IL1RAPL1: variants seen among roughly 807,000 people sequenced by gnomAD.
IL1RAPL1 encodes the protein interleukin-1 receptor accessory protein-like 1.
A neutral mutation model predicts 48.4 loss-of-function variants in IL1RAPL1; 3 were observed. The ratio of observed to expected loss-of-function variants is 0.06; its 90% CI spans 0.03 to 0.16. The LOEUF (loss-of-function observed/expected upper bound fraction) is 0.16, where lower values mean the gene tolerates loss of function less well. Ranked by LOEUF, IL1RAPL1 falls within the 10% of genes least tolerant of loss-of-function variation. IL1RAPL1 has a pLI of 1.00. For missense variants in IL1RAPL1, 349 were observed against 530.6 expected (o/e 0.66, Z 3.36); for synonymous variants, 185 against 187.7 (o/e 0.99, Z 0.12).
chrX:29,802,678 A>G (rs1416075538), intron 6 of IL1RAPL1, among the ~76,000 whole-genome samples: 2 of 99,207 alleles, frequency 2.0e-5, no homozygotes, highest in African/African-American at 3.6e-5. Flanking sequence ...GAATTGCTCT[A>G]TGTCACTGTG....
intron 2 of IL1RAPL1, among the ~76,000 whole-genome samples, chrX:29,039,636 C>T (rs1254986772): frequency 9.1e-6 from 1 of 110,358 alleles, no homozygotes; most frequent in African/African-American, 3.3e-5. Flanking sequence ...TAGCTTTTCA[C>T]TAGTGGAAAT....
chrX:29,014,295 T>TTTACAAA (rs1926191792), intron 2 of IL1RAPL1, among the ~76,000 whole-genome samples: 1 of 112,347 alleles, frequency 8.9e-6, no homozygotes, highest in African/African-American at 3.2e-5. Context: ...AACTAAATGG[T>TTTACAAA]ATCATTGTTT....
chrX:29,549,457 G>A (rs1250358322), intron 5 of IL1RAPL1, among the ~76,000 whole-genome samples: 1 of 111,134 alleles, frequency 9.0e-6, no homozygotes, highest in Non-Finnish European at 1.9e-5. Flanking sequence ...ATTAGTTATC[G>A]TTGTTAATAT....
At chrX:29,252,074 G>A (rs77515274) in intron 2 of IL1RAPL1, among the ~76,000 whole-genome samples, 8 of 32,953 alleles carry the variant, frequency 2.4e-4, no homozygotes, top group Admixed American at 5.2e-4. Flanking sequence ...ATGAGAACAC[G>A]TGGACACAGG....
chrX:29,742,261 A>G (rs1486989448), intron 6 of IL1RAPL1, among the ~76,000 whole-genome samples: 2 of 111,972 alleles, frequency 1.8e-5, no homozygotes, highest in African/African-American at 3.2e-5. Flanking sequence ...TGTTTCTTAA[A>G]CCTGCATTGT....
At chrX:29,618,578 G>A (rs59540722) in intron 5 of IL1RAPL1, among the ~76,000 whole-genome samples, 2,174 of 111,569 alleles carry the variant, frequency 0.019, 53 homozygotes, top group African/African-American at 0.067. Context: ...TCTTAGCCTC[G>A]TCTTCCCTCT....
At chrX:29,260,913 T>C (rs1472516548) in intron 2 of IL1RAPL1, among the ~76,000 whole-genome samples, 1 of 106,569 alleles carries the variant, frequency 9.4e-6, no homozygotes, top group African/African-American at 3.4e-5. Flanking sequence ...ATATAGTAAA[T>C]ATATATATTA....
intron 2 of IL1RAPL1, among the ~76,000 whole-genome samples, chrX:28,825,890 G>A (rs183590096): frequency 9.0e-6 from 1 of 111,021 alleles, no homozygotes; most frequent in African/African-American, 3.3e-5. Flanking sequence ...ATATAAATTG[G>A]TAAGACTCTG....
At chrX:28,624,830 G>T (rs986635537) in intron 1 of IL1RAPL1, among the ~76,000 whole-genome samples, 1 of 111,886 alleles carries the variant, frequency 8.9e-6, no homozygotes, top group African/African-American at 3.2e-5. Flanking sequence ...ACTCTGAACC[G>T]ACAGCAGTTA....
At chrX:29,592,178 A>C (rs1923398502) in intron 5 of IL1RAPL1, among the ~76,000 whole-genome samples, 1 of 110,834 alleles carries the variant, frequency 9.0e-6, no homozygotes, top group Admixed American at 9.6e-5. Flanking sequence ...ATTTACATAG[A>C]ATATATATAT....
chrX:29,193,336 C>T (rs1930386028), intron 2 of IL1RAPL1, among the ~76,000 whole-genome samples: 1 of 110,876 alleles, frequency 9.0e-6, no homozygotes, highest in Non-Finnish European at 1.9e-5. Flanking sequence ...TTATATAACA[C>T]AAATTCTCAG....
At chrX:29,650,856 A>T (rs1465663945) in intron 5 of IL1RAPL1, among the ~76,000 whole-genome samples, 2 of 111,368 alleles carry the variant, frequency 1.8e-5, no homozygotes, top group African/African-American at 6.5e-5. Context: ...GAATGAAAGA[A>T]AATATTTGCA....
chrX:29,245,805 T>A (rs1388361528), intron 2 of IL1RAPL1, among the ~76,000 whole-genome samples: 1 of 111,522 alleles, frequency 9.0e-6, no homozygotes, highest in Non-Finnish European at 1.9e-5. Context: ...CACTTTTGGC[T>A]TTTGTTGCCA....
At chrX:29,053,985 T>G (rs1485233231) in intron 2 of IL1RAPL1, among the ~76,000 whole-genome samples, 1 of 111,611 alleles carries the variant, frequency 9.0e-6, no homozygotes, top group Non-Finnish European at 1.9e-5. Flanking sequence ...AATGGCAGAT[T>G]TTCATTCTTT....
intron 2 of IL1RAPL1, among the ~76,000 whole-genome samples, chrX:29,239,957 C>T: frequency 9.2e-6 from 1 of 108,193 alleles, no homozygotes; most frequent in East Asian, 2.9e-4. Context: ...TCTGACTCTT[C>T]TGCTTCCTTC....
intron 2 of IL1RAPL1, among the ~76,000 whole-genome samples, chrX:28,825,517 C>A (rs181226780): frequency 4.4e-4 from 49 of 111,157 alleles, no homozygotes; most frequent in African/African-American, 1.4e-3. Context: ...TGTAAATAAC[C>A]ATTTCCCCAA....
At chrX:29,341,218 C>G (rs1019953883) in intron 3 of IL1RAPL1, among the ~76,000 whole-genome samples, 7 of 111,586 alleles carry the variant, frequency 6.3e-5, no homozygotes, top group Non-Finnish European at 1.1e-4. Context: ...GTTACCACCC[C>G]CTTCTGGAAA....
chrX:29,218,760 A>G (rs1259923506), intron 2 of IL1RAPL1, among the ~76,000 whole-genome samples: 1 of 112,285 alleles, frequency 8.9e-6, no homozygotes, highest in Non-Finnish European at 1.9e-5. Flanking sequence ...ATATTAAGGA[A>G]TGCTGTGATT....
At chrX:29,639,227 TG>T (rs1216648137) in intron 5 of IL1RAPL1, among the ~76,000 whole-genome samples, 2 of 112,105 alleles carry the variant, frequency 1.8e-5, no homozygotes, top group East Asian at 2.8e-4. Flanking sequence ...TTTTTAGATT[TG>T]TTTTTTTTGT....
Sources: gnomAD v4.1 joint callset for allele counts (sites outside exome capture counted in the v4.1 genomes callset) on GRCh38, gnomAD v4.1.1 for gene constraint, MANE v1.5 for transcripts, NCBI Gene and HGNC (gene_info 2026-07-23, HGNC 2026-07-21) for gene names.